PGAP4: variants seen among roughly 807,000 people sequenced by gnomAD.
PGAP4 encodes GPI-N-acetylgalactosamine transferase PGAP4.
Under a neutral mutation model 28.2 loss-of-function variants are expected in PGAP4, and 12 were observed. That is an observed-to-expected ratio of 0.42 (90% CI 0.27 to 0.69). The LOEUF (loss-of-function observed/expected upper bound fraction) is 0.69. Among genes scored for constraint, PGAP4 ranks in the 30% least tolerant of loss-of-function variants. The pLI is 0.22. For missense variants in PGAP4, 425 were observed against 513.5 expected (o/e 0.83, Z 1.67); for synonymous variants, 205 against 211.8 (o/e 0.97, Z 0.28).
intron 1 of PGAP4, among the ~76,000 whole-genome samples, chr9:101,479,418 G>C (rs999172068): frequency 2.6e-5 from 4 of 152,150 alleles, no homozygotes; most frequent in Non-Finnish European, 5.9e-5. Flanking sequence ...AATGAGATAG[G>C]GCAGGCAGTT....
intron 2 of PGAP4, among the ~76,000 whole-genome samples, chr9:101,530,882 T>C (rs1827082668): frequency 6.6e-6 from 1 of 151,964 alleles, no homozygotes; most frequent in South Asian, 2.1e-4. Flanking sequence ...TCTGTGAAGG[T>C]GTTTTTGTTT....
rs1220248588 is a variant in PGAP4 at position 101,486,281 on chromosome 9, G to A, written c.-78+668C>T. On this transcript the variant is annotated intron_variant, in intron 1 of 1. Transcript: ENST00000374848. The surrounding 1 kb of genome is among the most constrained non-coding windows in gnomAD (Gnocchi z 4.7). ...CTTGGGCAGTCCCTGCCACGCTTGA[G>A]CCTCAGTTTCCCACCCGTAGGCCGA... 6.6e-6 allele frequency among the ~76,000 whole-genome samples: 1 copy of A among 152,206 alleles called. No individual in the cohort carries two copies. Among genetic ancestry groups the A allele is most frequent in the African/African-American group, 2.4e-5 (1 of 41,472 alleles).
chr9:101,515,751 G>T (rs1826938940), intron 2 of PGAP4, among the ~76,000 whole-genome samples: 1 of 151,938 alleles, frequency 6.6e-6, no homozygotes, highest in South Asian at 2.1e-4. Flanking sequence ...GAAACATTGA[G>T]AATTAACAAA....
At chr9:101,519,837 A>G (rs954462050) in intron 2 of PGAP4, among the ~76,000 whole-genome samples, 1 of 151,952 alleles carries the variant, frequency 6.6e-6, no homozygotes, top group African/African-American at 2.4e-5. Flanking sequence ...TATCTTCTAG[A>G]ATTTTTATGG....
chr9:101,504,455 A>T (rs1431049454), intron 2 of PGAP4, among the ~76,000 whole-genome samples: 1 of 151,876 alleles, frequency 6.6e-6, no homozygotes, highest in Non-Finnish European at 1.5e-5. Flanking sequence ...AAGGGACCCA[A>T]AGGAAAGACT....
rs777428873 is a variant in PGAP4, at chr9:101,475,999, G to A, written c.1094C>T (p.Ala365Val). 12 of 1,614,170 alleles carry A rather than the reference G, an allele frequency of 7.4e-6. No homozygotes were observed. In the South Asian group the frequency reaches 1.2e-4, roughly 16 times the overall value. Reference sequence around the variant, plus strand: ...CTTGGCCCTCAACAGCGAGTACAGTGCCATGTCCTTGCCAAAGCCCTTGTG... The same window carrying A: ...CTTGGCCCTCAACAGCGAGTACAGTACCATGTCCTTGCCAAAGCCCTTGTG... ...YCHKGFGKDM[A>V]LYSLLRAKGE... is the part of the protein sequence containing the mutation. Residue 365 changes from alanine (A) to valine (V), a missense_variant, in exon 2 of 2, where the codon GCA becomes GTA. Coordinates refer to ENST00000374848, the MANE Select transcript of PGAP4 (RefSeq NM_032342.3).
At chr9:101,521,143 T>C (rs1826985726) in intron 2 of PGAP4, among the ~76,000 whole-genome samples, 1 of 152,136 alleles carries the variant, frequency 6.6e-6, no homozygotes. Flanking sequence ...AGGATTTTAG[T>C]GTCTGTATTC....
upstream of PGAP4, among the ~76,000 whole-genome samples, chr9:101,488,306 G>C (rs1395161925): frequency 6.6e-6 from 1 of 152,176 alleles, no homozygotes. Flanking sequence ...CACAGAAAGG[G>C]AGCTTGGGAA....
intron 2 of PGAP4, among the ~76,000 whole-genome samples, chr9:101,498,337 T>G (rs1476611255): frequency 2.0e-5 from 3 of 150,080 alleles, no homozygotes; most frequent in Non-Finnish European, 3.0e-5. Context: ...ATTTTAACCG[T>G]TTTTTTTTAG....
At chr9:101,478,647 A>C (rs1382380705) in intron 1 of PGAP4, among the ~76,000 whole-genome samples, 1 of 152,220 alleles carries the variant, frequency 6.6e-6, no homozygotes, top group Non-Finnish European at 1.5e-5. Flanking sequence ...CAGATGTGCC[A>C]TCTCGACTTT....
chr9:101,523,447 C>T (rs1256391910), intron 2 of PGAP4, among the ~76,000 whole-genome samples: 4 of 151,256 alleles, frequency 2.6e-5, no homozygotes, highest in Non-Finnish European at 4.4e-5. Flanking sequence ...ATTTGAACAC[C>T]TTTTCTTTGA....
chr9:101,523,639 TTTTTTTTTTTTTTG>T, intron 2 of PGAP4, among the ~76,000 whole-genome samples: 1 of 102,886 alleles, frequency 9.7e-6, no homozygotes, highest in Non-Finnish European at 2.0e-5. Context: ...TTTTTTTTTT[TTTTTTTTTTTTTTG>T]GATTTCCTTG....
chr9:101,519,507 G>C (rs1317130524), intron 2 of PGAP4, among the ~76,000 whole-genome samples: 1 of 152,026 alleles, frequency 6.6e-6, no homozygotes, highest in African/African-American at 2.4e-5. Context: ...GTAGATTCTG[G>C]ATATCCTTTG....
At chr9:101,500,742 G>A (rs1272047453) in intron 2 of PGAP4, among the ~76,000 whole-genome samples, 1 of 151,948 alleles carries the variant, frequency 6.6e-6, no homozygotes. Context: ...AAGAAGCTCA[G>A]GAAAGGGAGG....
At chr9:101,501,834 C>A in intron 2 of PGAP4, 11 of 488,712 alleles carry the variant, frequency 2.3e-5, no homozygotes, top group Admixed American at 6.4e-5. Context: ...CCAGTAAATA[C>A]AAAAAAGGGG....
chr9:101,488,899 C>T (rs1435470926), upstream of PGAP4, among the ~76,000 whole-genome samples: 1 of 152,096 alleles, frequency 6.6e-6, no homozygotes, highest in African/African-American at 2.4e-5. Context: ...CAGCTATGAA[C>T]AAAACCAAGT....
intron 2 of PGAP4, among the ~76,000 whole-genome samples, chr9:101,524,241 G>C (rs1345486066): frequency 6.6e-6 from 1 of 151,194 alleles, no homozygotes; most frequent in African/African-American, 2.4e-5. Context: ...GAGTCATGCA[G>C]GTTGTCAGGT....
intron 2 of PGAP4, chr9:101,501,786 G>A: frequency 1.9e-6 from 1 of 517,702 alleles, no homozygotes; most frequent in South Asian, 1.4e-5. Flanking sequence ...AACAATGCCA[G>A]ACACAAGAGA....
chr9:101,495,498 C>G (rs867072523), intron 2 of PGAP4, among the ~76,000 whole-genome samples: 1 of 114,416 alleles, frequency 8.7e-6, no homozygotes, highest in Non-Finnish European at 1.8e-5. Flanking sequence ...TTCTGTGGCT[C>G]AACTGGAAAA....
Sources: allele counts gnomAD v4.1 joint callset (sites outside exome capture counted in the v4.1 genomes callset), GRCh38; gene constraint gnomAD v4.1.1; non-coding constraint Gnocchi (gnomAD v3.1); transcripts MANE v1.5; gene names NCBI Gene and HGNC (gene_info 2026-07-23, HGNC 2026-07-21).